Variants in SPATA17 observed in about 807,000 individuals in gnomAD.
SPATA17 encodes spermatogenesis associated 17.
In SPATA17, 53 loss-of-function variants were observed where a neutral mutation model predicts 62.2. The observed-to-expected ratio is 0.85, with a 90% CI of 0.68 to 1.07. The LOEUF is 1.07. Among genes scored for constraint, SPATA17 ranks in the 50% least tolerant of loss-of-function variants. The pLI is 0.00. For synonymous variants in SPATA17, 146 were observed against 146.8 expected, an observed-to-expected ratio of 0.99 and a Z score of 0.04; for missense variants, 466 against 425.5, an observed-to-expected ratio of 1.10 and a Z score of -0.84.
At chr1:217,672,265 C>A (rs534334676) in intron 4 of SPATA17, among the ~76,000 whole-genome samples, 1 of 152,242 alleles carries the variant, frequency 6.6e-6, no homozygotes, top group East Asian at 1.9e-4. Flanking sequence ...TCATAAGCTA[C>A]CTGGTAACTT....
rs1676125770 is a variant in SPATA17, at chr1:217,871,361, A to C, written c.*4342A>C. 1 of 151,728 alleles carries C rather than the reference A, an allele frequency of 6.6e-6. No individual in the cohort carries two copies. The highest frequency in any genetic ancestry group is 2.4e-5 in the African/African-American group (1 of 41,272). 9.4% of individuals were successfully genotyped at this position (151,728 alleles called of 1,614,324 possible). A position where few individuals can be genotyped will look rare whatever the true frequency, so the allele number is the denominator to read the frequency against. ...GGTATCCATTTTCTGTGCTAAATTC[A>C]TCTTTAATTTATTATTTTTTTTCAA... On this transcript the variant is annotated 3_prime_UTR_variant, in exon 11 of 11. Transcript: ENST00000366933.
chr1:217,782,805 T>C (rs1330944350), intron 8 of SPATA17, among the ~76,000 whole-genome samples: 2 of 128,086 alleles, frequency 1.6e-5, no homozygotes, highest in Admixed American at 8.1e-5. Flanking sequence ...AATCATTTAA[T>C]AGCATATGTA....
intron 6 of SPATA17, among the ~76,000 whole-genome samples, chr1:217,767,358 A>G (rs938018584): frequency 6.6e-6 from 1 of 152,018 alleles, no homozygotes; most frequent in Non-Finnish European, 1.5e-5. Context: ...TTTAAAATTT[A>G]TCCTACTTGA....
chr1:217,791,480 C>T (rs1469277711), intron 8 of SPATA17, among the ~76,000 whole-genome samples: 1 of 152,038 alleles, frequency 6.6e-6, no homozygotes, highest in African/African-American at 2.4e-5. Context: ...ATAGTGAGAA[C>T]TGTGCTCTCT....
chr1:217,773,524 A>G (rs888261393), intron 6 of SPATA17, among the ~76,000 whole-genome samples: 2 of 152,138 alleles, frequency 1.3e-5, no homozygotes, highest in Non-Finnish European at 2.9e-5. Flanking sequence ...TGCAGTTTGT[A>G]TATTCAAACA....
chr1:217,718,297 C>T (rs545135436), intron 5 of SPATA17, among the ~76,000 whole-genome samples: 1 of 151,618 alleles, frequency 6.6e-6, no homozygotes, highest in African/African-American at 2.4e-5. Context: ...GGCTGCATTG[C>T]GGGAGCAGGA....
chr1:217,704,260 T>TTTTTG, intron 5 of SPATA17, among the ~76,000 whole-genome samples: 1 of 140,602 alleles, frequency 7.1e-6, no homozygotes, highest in Admixed American at 7.2e-5. Flanking sequence ...TTTTTTTTTT[T>TTTTTG]TGAGACGGAG....
chr1:217,695,734 C>T (rs533748202), intron 5 of SPATA17, among the ~76,000 whole-genome samples: 1 of 85,664 alleles, frequency 1.2e-5, no homozygotes, highest in East Asian at 3.0e-4. Context: ...AGCTGCAGGT[C>T]TGTTGGAATA....
chr1:217,734,729 G>T (rs982753833), intron 5 of SPATA17, among the ~76,000 whole-genome samples: 1 of 152,150 alleles, frequency 6.6e-6, no homozygotes, highest in Non-Finnish European at 1.5e-5. Flanking sequence ...TTTTAACGCA[G>T]TCTGGATGTA....
At position 217,857,038 on chromosome 1, in the gene SPATA17, A is replaced by G. The variant is rs539576911; in HGVS notation, c.1006-5736A>G. Among the ~76,000 whole-genome samples the G allele has an allele frequency of 9.2e-5, 14 of 152,306 alleles. No individual in the cohort carries two copies. The South Asian group carries it at 2.9e-3, about 32-fold the overall frequency. On this transcript the variant is annotated intron_variant, in intron 9 of 10. Transcript: ENST00000366933. ...CTCCTTTTTTCTAACTCTAGTAGAA[A>G]AATCTTTGCCATATTTTAAAGCTGA...
intron 7 of SPATA17, among the ~76,000 whole-genome samples, chr1:217,777,532 G>C (rs567340088): frequency 6.6e-6 from 1 of 152,130 alleles, no homozygotes; most frequent in East Asian, 1.9e-4. Context: ...CTCCCAAGTA[G>C]CTGGTATTAC....
At chr1:217,836,528 C>T (rs1675263112) in intron 9 of SPATA17, among the ~76,000 whole-genome samples, 1 of 152,100 alleles carries the variant, frequency 6.6e-6, no homozygotes, top group Non-Finnish European at 1.5e-5. Flanking sequence ...TGCTACAAAA[C>T]ATCAACTATT....
chr1:217,720,578 G>A (rs1672102051), intron 5 of SPATA17, among the ~76,000 whole-genome samples: 1 of 152,034 alleles, frequency 6.6e-6, no homozygotes. Context: ...AGGCTGAGGT[G>A]GGAGGATCAT....
chr1:217,779,385 C>A (rs940973942), intron 7 of SPATA17, among the ~76,000 whole-genome samples: 2 of 151,512 alleles, frequency 1.3e-5, no homozygotes, highest in African/African-American at 2.4e-5. Context: ...TTATTCTCTT[C>A]TCTTCTATTA....
chr1:217,818,864 ATTAC>A (rs750508170), intron 9 of SPATA17, among the ~76,000 whole-genome samples: 1 of 121,392 alleles, frequency 8.2e-6, no homozygotes, highest in Non-Finnish European at 1.8e-5. Context: ...TCTCACCCAT[ATTAC>A]TTATTTCATT....
chr1:217,650,509 C>T (rs1472599805), intron 2 of SPATA17, among the ~76,000 whole-genome samples: 5 of 152,064 alleles, frequency 3.3e-5, no homozygotes, highest in Non-Finnish European at 5.9e-5. Flanking sequence ...CTCTGCCTCC[C>T]TGGTTCAAGT....
chr1:217,848,197 T>C (rs1675570171), intron 9 of SPATA17, among the ~76,000 whole-genome samples: 1 of 151,540 alleles, frequency 6.6e-6, no homozygotes, highest in South Asian at 2.1e-4. Context: ...TGTTCAAAGA[T>C]TTGTAATGAA....
rs192597151 is a variant in SPATA17 at position 217,703,452 on chromosome 1, G to A, written c.395+20091G>A. Among the ~76,000 whole-genome samples the A allele has an allele frequency of 1.1e-4, 17 of 152,264 alleles. 1 individual carries two copies. The East Asian group carries it at 3.1e-3, about 28-fold the overall frequency. ...CTCCCAAAGTGCTGGGATTACAGGC[G>A]TGATCCACCATGCCTGGCATATTTC... On this transcript the variant is annotated intron_variant, in intron 5 of 10. Transcript: ENST00000366933.
At chr1:217,766,341 G>A (rs908463359) in intron 6 of SPATA17, among the ~76,000 whole-genome samples, 1 of 151,570 alleles carries the variant, frequency 6.6e-6, no homozygotes, top group Admixed American at 6.6e-5. Flanking sequence ...TATGTAAGCT[G>A]CATTTCTTTT....
Sources: allele counts gnomAD v4.1 joint callset (sites outside exome capture counted in the v4.1 genomes callset), GRCh38; gene constraint gnomAD v4.1.1; transcripts MANE v1.5; gene names NCBI Gene and HGNC (gene_info 2026-07-23, HGNC 2026-07-21).